ATG7: variants seen among roughly 807,000 people sequenced by gnomAD.
ATG7 encodes the protein autophagy related 7.
A neutral mutation model predicts 82.4 loss-of-function variants in ATG7; 70 were observed. The ratio of observed to expected loss-of-function variants is 0.85; its 90% CI spans 0.70 to 1.04. ATG7 has a LOEUF of 1.04. Among genes scored for constraint, ATG7 ranks in the 50% least tolerant of loss-of-function variants. The pLI, the probability that ATG7 is intolerant of heterozygous loss-of-function variation, is 0.00. For missense variants in ATG7, 792 were observed against 864.3 expected (o/e 0.92, Z 1.05); for synonymous variants, 287 against 313.0 (o/e 0.92, Z 0.88).
At chr3:11,400,118 C>T (rs2079687193) in intron 19 of ATG7, among the ~76,000 whole-genome samples, 1 of 152,200 alleles carries the variant, frequency 6.6e-6, no homozygotes, top group Non-Finnish European at 1.5e-5. Context: ...CACAACCTGA[C>T]ACTGTGTCTT....
chr3:11,525,968 A>C (rs1358801642), intron 20 of ATG7, among the ~76,000 whole-genome samples: 1 of 152,216 alleles, frequency 6.6e-6, no homozygotes, highest in Non-Finnish European at 1.5e-5. Flanking sequence ...TTGAGAATTT[A>C]AAATGTTATT....
intron 7 of ATG7, 137 bp from the exon 8 acceptor site, chr3:11,313,167 G>A: frequency 2.0e-6 from 1 of 511,152 alleles, no homozygotes; most frequent in Non-Finnish European, 3.4e-6. Flanking sequence ...TGGGGATGAG[G>A]ATATTTGATA....
At chr3:11,291,736 G>A (rs990243290) in intron 3 of ATG7, among the ~76,000 whole-genome samples, 7 of 152,182 alleles carry the variant, frequency 4.6e-5, no homozygotes, top group African/African-American at 1.7e-4. Context: ...CCTAATGGAA[G>A]TGTTCATCTG....
intron 20 of ATG7, among the ~76,000 whole-genome samples, chr3:11,538,249 C>G (rs2070493412): frequency 6.6e-6 from 1 of 152,194 alleles, no homozygotes; most frequent in African/African-American, 2.4e-5. Context: ...CAACGCTGAC[C>G]TGTCAGCTGG....
chr3:11,274,881 C>T lies in ATG7; in HGVS notation c.-366+2451C>T, dbSNP rs188265912. On this transcript the variant is annotated intron_variant, in intron 1 of 20. Transcript: ENST00000693202. ...AAGTTTGGACTCTAAAATGTGGGGG[C>T]GGGGGTGGAGAGCAGGACACTGAAG... Among the ~76,000 whole-genome samples the T allele has an allele frequency of 5.9e-3, 879 of 150,026 alleles. 33 individuals carry two copies. Among genetic ancestry groups the T allele is most frequent in the Non-Finnish European group, 7.6e-4 (51 of 67,534 alleles).
At chr3:11,298,643 A>T in intron 3 of ATG7, 43 bp from the exon 4 acceptor site, 1 of 1,564,464 alleles carries the variant, frequency 6.4e-7, no homozygotes. Context: ...CAGGTTTTGC[A>T]TGGATATGTT....
chr3:11,446,819 C>T (rs888334513), intron 20 of ATG7: 1 of 183,080 alleles, frequency 5.5e-6, no homozygotes, highest in South Asian at 9.5e-5. Flanking sequence ...CACTGGTCTC[C>T]TGGACTGGGC....
intron 20 of ATG7, among the ~76,000 whole-genome samples, chr3:11,553,082 G>A (rs2071976821): frequency 1.3e-5 from 2 of 152,114 alleles, no homozygotes. Flanking sequence ...GGAGGTCCCG[G>A]AGGACACGGC....
chr3:11,564,406 C>CG, the ATG7 span, among the ~76,000 whole-genome samples: 5 of 11,296 alleles, frequency 4.4e-4, no homozygotes, highest in Non-Finnish European at 2.1e-3. Context: ...AAACGTAGGA[C>CG]CCCCCCACCC....
intron 19 of ATG7, among the ~76,000 whole-genome samples, chr3:11,417,492 A>G (rs1298067706): frequency 6.6e-6 from 1 of 152,118 alleles, no homozygotes; most frequent in African/African-American, 2.4e-5. Context: ...AGATACTTCT[A>G]CTTACTTTTC....
intron 14 of ATG7, among the ~76,000 whole-genome samples, chr3:11,349,745 A>G (rs2075401561): frequency 6.6e-6 from 1 of 152,196 alleles, no homozygotes; most frequent in Non-Finnish European, 1.5e-5. Context: ...CATCACCAGG[A>G]TACTTGGTGG....
intron 19 of ATG7, among the ~76,000 whole-genome samples, chr3:11,385,308 G>A (rs565530885): frequency 3.3e-5 from 5 of 152,192 alleles, no homozygotes; most frequent in African/African-American, 4.8e-5. Context: ...GATTACAGGC[G>A]TGAGCCACTG....
In ATG7 at chr3:11,360,801, A is replaced by C; in HGVS notation, c.1683+17A>C. 4 of 1,613,274 alleles carry C rather than the reference A, an allele frequency of 2.5e-6. No individual in the cohort carries two copies. In the South Asian group the frequency reaches 4.4e-5, roughly 18 times the overall value. The stretch of plus-strand genomic sequence containing the variant: ...CCAGGAGATGTAAGTGGATTTCTCT[A>C]TAGTTCCAAATATTTCCTATCACCA... On this transcript the variant is annotated intron_variant, in intron 16 of 20. Transcript: ENST00000693202.
chr3:11,378,072 G>C (rs1275839336), intron 18 of ATG7, among the ~76,000 whole-genome samples: 1 of 110,754 alleles, frequency 9.0e-6, no homozygotes. Context: ...CTGTCACTCA[G>C]GCTGGATCTC....
At chr3:11,277,968 A>C (rs1338315177) in intron 1 of ATG7, among the ~76,000 whole-genome samples, 1 of 137,782 alleles carries the variant, frequency 7.3e-6, no homozygotes, top group Non-Finnish European at 1.5e-5. Flanking sequence ...AAAAGAATTT[A>C]GTGATATCTT....
At chr3:11,561,099 G>A (rs75067820), downstream of ATG7, among the ~76,000 whole-genome samples, 972 of 151,588 alleles carry the variant, frequency 6.4e-3, 16 homozygotes, top group East Asian at 0.072. Context: ...GAGCCTGGCT[G>A]CACCCATGAC....
chr3:11,402,005 G>T (rs2079876777), intron 19 of ATG7, among the ~76,000 whole-genome samples: 1 of 152,182 alleles, frequency 6.6e-6, no homozygotes, highest in East Asian at 1.9e-4. Context: ...CAGATGTTAA[G>T]TGTACAACTT....
chr3:11,435,287 C>T (rs2083271563), intron 20 of ATG7, among the ~76,000 whole-genome samples: 1 of 152,148 alleles, frequency 6.6e-6, no homozygotes, highest in Non-Finnish European at 1.5e-5. Flanking sequence ...ATGTGTGTCA[C>T]TGTACGTATA....
intron 13 of ATG7, chr3:11,346,461 G>A (rs1487035330): frequency 1.3e-5 from 2 of 152,114 alleles, no homozygotes; most frequent in East Asian, 3.9e-4. Flanking sequence ...CAATCAGTAG[G>A]ATGATTTTCT....
Sources: gnomAD v4.1 joint callset for allele counts (sites outside exome capture counted in the v4.1 genomes callset) on GRCh38, gnomAD v4.1.1 for gene constraint, MANE v1.5 for transcripts, NCBI Gene and HGNC (gene_info 2026-07-23, HGNC 2026-07-21) for gene names.